The following LARGE1 variants were observed in gnomAD, a reference collection of about 807,000 sequenced individuals.
LARGE1 encodes the protein xylosyl- and glucuronyltransferase LARGE1.
Under a neutral mutation model 87.6 loss-of-function variants are expected in LARGE1, and 43 were observed. The observed-to-expected ratio is 0.49, with a 90% CI of 0.38 to 0.63. The LOEUF (loss-of-function observed/expected upper bound fraction) is 0.63, where lower values mean the gene tolerates loss of function less well. Ranked by LOEUF, LARGE1 falls within the 30% of genes least tolerant of loss-of-function variation. The pLI, the probability that LARGE1 is intolerant of heterozygous loss-of-function variation, is 0.00. For synonymous variants in LARGE1, 434 were observed against 394.6 expected (o/e 1.10, Z -1.18); for missense variants, 802 against 1,000.2 (o/e 0.80, Z 2.67).
At chr22:33,631,143 G>A (rs2080098056) in intron 3 of LARGE1, among the ~76,000 whole-genome samples, 1 of 138,930 alleles carries the variant, frequency 7.2e-6, no homozygotes, top group African/African-American at 2.5e-5. Flanking sequence ...ATGAGCCACT[G>A]CGCCCAGCCA....
chr22:33,269,725 T>G (rs1928142327), downstream of LARGE1, among the ~76,000 whole-genome samples: 1 of 151,798 alleles, frequency 6.6e-6, no homozygotes, highest in Non-Finnish European at 1.5e-5. Flanking sequence ...TATATTAACC[T>G]GAGCCACCGG....
chr22:33,377,720 C>G (rs943374934), intron 9 of LARGE1, among the ~76,000 whole-genome samples: 2 of 152,128 alleles, frequency 1.3e-5, no homozygotes, highest in African/African-American at 4.8e-5. Flanking sequence ...TGAGACATAT[C>G]CCAATTTCTT....
In LARGE1 at chr22:33,384,094, C is replaced by T. The variant is rs2235151; in HGVS notation, c.1005+98G>A. 4,767 of 890,444 alleles carry T rather than the reference C, an allele frequency of 5.4e-3. 95 individuals are homozygous for T. Among genetic ancestry groups the T allele is most frequent in the East Asian group, 0.035 (1,440 of 41,654 alleles). 55.2% of individuals were successfully genotyped at this position (890,444 alleles called of 1,614,324 possible). Reference sequence around the variant, plus strand: ...TCAGAGCACACAGAGTCACACAATACGTAGAAAACCATTCAGATCGATTTA... The same window carrying T: ...TCAGAGCACACAGAGTCACACAATATGTAGAAAACCATTCAGATCGATTTA... On this transcript the variant is annotated intron_variant, in intron 8 of 14. Coordinates refer to ENST00000397394, the MANE Select transcript of LARGE1 (RefSeq NM_133642.5).
chr22:33,480,196 C>T (rs931538662), intron 6 of LARGE1, among the ~76,000 whole-genome samples: 28 of 152,146 alleles, frequency 1.8e-4, no homozygotes, highest in Admixed American at 1.2e-3. Context: ...GCACCCTGGA[C>T]GGCTTCACGC....
chr22:33,879,338 A>T (rs952569870), intron 1 of LARGE1, among the ~76,000 whole-genome samples: 9 of 152,146 alleles, frequency 5.9e-5, no homozygotes, highest in African/African-American at 1.4e-4. Flanking sequence ...GGGTCACAAC[A>T]TCCCAAGCAC....
chr22:33,446,832 C>G (rs1020182921), intron 6 of LARGE1, among the ~76,000 whole-genome samples: 4 of 152,142 alleles, frequency 2.6e-5, no homozygotes, highest in African/African-American at 7.2e-5. Context: ...AACAGTGTCC[C>G]TTGGAGTTGA....
At chr22:33,158,268 A>G (rs1259942308), downstream of LARGE1, among the ~76,000 whole-genome samples, 7 of 152,156 alleles carry the variant, frequency 4.6e-5, no homozygotes, top group Admixed American at 2.0e-4. Flanking sequence ...ATAAAACAAA[A>G]TGGTGTAGAT....
At chr22:33,584,573 T>C (rs1484901280) in intron 5 of LARGE1, among the ~76,000 whole-genome samples, 1 of 152,116 alleles carries the variant, frequency 6.6e-6, no homozygotes, top group African/African-American at 2.4e-5. Context: ...TGTATCTAGG[T>C]ACAGACCTGA....
intron 10 of LARGE1, among the ~76,000 whole-genome samples, chr22:33,334,720 T>C (rs1938223676): frequency 6.6e-6 from 1 of 152,202 alleles, no homozygotes; most frequent in South Asian, 2.1e-4. Flanking sequence ...AGCAGGCTGC[T>C]TTCTCATTCA....
chr22:33,530,476 T>C (rs2072143206), intron 6 of LARGE1, among the ~76,000 whole-genome samples: 1 of 152,008 alleles, frequency 6.6e-6, no homozygotes, highest in South Asian at 2.1e-4. Context: ...TTTTTTTTTT[T>C]TTTAGCCATC....
At chr22:33,390,026 G>A (rs1167658302) in intron 7 of LARGE1, among the ~76,000 whole-genome samples, 4 of 152,134 alleles carry the variant, frequency 2.6e-5, no homozygotes, top group East Asian at 3.9e-4. Context: ...TCTGGTTCTC[G>A]CCATAATTTA....
At chr22:33,619,628 G>T (rs966535896) in intron 4 of LARGE1, among the ~76,000 whole-genome samples, 1 of 151,746 alleles carries the variant, frequency 6.6e-6, no homozygotes, top group African/African-American at 2.4e-5. Flanking sequence ...TTGTTGAGAA[G>T]CTCAGATTCT....
At chr22:33,091,168 A>G in the LARGE1 span, among the ~76,000 whole-genome samples, 1 of 152,174 alleles carries the variant, frequency 6.6e-6, no homozygotes, top group South Asian at 2.1e-4. Context: ...AATTATATCC[A>G]GCATCAGATC....
At chr22:33,477,092 C>T (rs780128997) in intron 6 of LARGE1, among the ~76,000 whole-genome samples, 6 of 152,156 alleles carry the variant, frequency 3.9e-5, no homozygotes, top group African/African-American at 7.2e-5. Flanking sequence ...GGCGGCTCAC[C>T]GCTAAGTTTT....
intron 5 of LARGE1, among the ~76,000 whole-genome samples, chr22:33,572,853 G>C (rs1158992002): frequency 1.3e-5 from 2 of 151,634 alleles, no homozygotes; most frequent in African/African-American, 2.4e-5. Flanking sequence ...CTGGGCGACA[G>C]AGTGAGACTT....
At chr22:33,247,461 TTGA>T (rs1161417899) in intron 11 of LARGE1, among the ~76,000 whole-genome samples, 2 of 152,242 alleles carry the variant, frequency 1.3e-5, no homozygotes, top group East Asian at 3.8e-4. Flanking sequence ...TGATATATTA[TTGA>T]TGATGTTTGA....
intron 1 of LARGE1, among the ~76,000 whole-genome samples, chr22:33,915,015 A>G (rs924964122): frequency 1.4e-4 from 12 of 86,652 alleles, no homozygotes; most frequent in Non-Finnish European, 1.1e-4. Context: ...AAACACAAAC[A>G]CACACACACA....
chr22:33,718,704 G>A (rs1038269852), intron 2 of LARGE1, among the ~76,000 whole-genome samples: 1 of 152,236 alleles, frequency 6.6e-6, no homozygotes, highest in African/African-American at 2.4e-5. Flanking sequence ...AAGTGGAGGT[G>A]GAAGACAGTG....
chr22:33,854,889 T>C (rs1382185655), intron 1 of LARGE1, among the ~76,000 whole-genome samples: 1 of 152,170 alleles, frequency 6.6e-6, no homozygotes, highest in Admixed American at 6.5e-5. Flanking sequence ...GGGTGCCATG[T>C]TGCATCAAGC....
Sources: gnomAD v4.1 joint callset for allele counts (sites outside exome capture counted in the v4.1 genomes callset) on GRCh38, gnomAD v4.1.1 for gene constraint, MANE v1.5 for transcripts, NCBI Gene and HGNC (gene_info 2026-07-23, HGNC 2026-07-21) for gene names.